OXCT1: variants seen among roughly 807,000 people sequenced by gnomAD.
OXCT1 encodes succinyl-CoA:3-ketoacid coenzyme A transferase 1, mitochondrial.
A neutral mutation model predicts 69.6 loss-of-function variants in OXCT1; 27 were observed. The observed-to-expected ratio is 0.39, with a 90% CI of 0.29 to 0.54. The LOEUF (loss-of-function observed/expected upper bound fraction) is 0.54, where lower values mean the gene tolerates loss of function less well. Among genes scored for constraint, OXCT1 ranks in the 20% least tolerant of loss-of-function variants. OXCT1 has a pLI of 0.72. For missense variants in OXCT1, 437 were observed against 650.2 expected, an observed-to-expected ratio of 0.67 and a Z score of 3.57; for synonymous variants, 202 against 217.8, an observed-to-expected ratio of 0.93 and a Z score of 0.64.
At position 41,743,220 on chromosome 5, in the gene OXCT1, T is replaced by A. The variant is rs1161483946; in HGVS notation, c.1420-3729A>T. ...ATTGTGGCTTTGATTTGCATTTCTC[T>A]GATGGCCAGTGATGATGAGCATTTT... On this transcript the variant is annotated intron_variant, in intron 15 of 16. Transcript: ENST00000196371. 5.3e-5 allele frequency among the ~76,000 whole-genome samples: 8 copies of A among 152,238 alleles called. No homozygotes were observed. In the South Asian group the frequency reaches 8.3e-4, roughly 16 times the overall value.
intron 14 of OXCT1, among the ~76,000 whole-genome samples, chr5:41,755,391 T>G (rs1744014676): frequency 6.6e-6 from 1 of 152,060 alleles, no homozygotes; most frequent in Non-Finnish European, 1.5e-5. Flanking sequence ...AAACAGAACC[T>G]GGCTACTGTA....
intron 13 of OXCT1, among the ~76,000 whole-genome samples, chr5:41,770,555 C>A (rs989613654): frequency 6.6e-6 from 1 of 152,166 alleles, no homozygotes; most frequent in African/African-American, 2.4e-5. Flanking sequence ...ATTAATTAAG[C>A]ATCTACTTAA....
rs144935087 is a variant in OXCT1 at position 41,836,609 on chromosome 5, T to A, written c.732+3842A>T. Among the ~76,000 whole-genome samples the A allele has an allele frequency of 4.9e-3, 744 of 152,290 alleles. 7 individuals carry two copies. Among genetic ancestry groups the A allele is most frequent in the African/African-American group, 0.017 (697 of 41,562 alleles). On this transcript the variant is annotated intron_variant, in intron 7 of 16. Coordinates refer to ENST00000196371, the MANE Select transcript of OXCT1 (RefSeq NM_000436.4). ...GGGACGTGGTTTTGGGATGAAACTG[T>A]TCCACCTCAGATCATCAGGCGTTAG...
chr5:41,828,044 G>A (rs1330149839), intron 7 of OXCT1, among the ~76,000 whole-genome samples: 1 of 152,200 alleles, frequency 6.6e-6, no homozygotes, highest in Non-Finnish European at 1.5e-5. Context: ...ACACTAGTCA[G>A]GCTGGAGAAG....
intron 7 of OXCT1, among the ~76,000 whole-genome samples, chr5:41,814,732 G>C (rs9763018): frequency 0.19 from 21,986 of 116,988 alleles, 1,825 homozygotes; most frequent in Middle Eastern, 0.32. Context: ...TTGTGGGGTG[G>C]GGGGAGGGGG....
In OXCT1 at chr5:41,791,938, G is replaced by C. The variant is rs144309967; in HGVS notation, c.1248+2065C>G. 4.4e-3 allele frequency among the ~76,000 whole-genome samples: 664 copies of C among 152,194 alleles called. 4 individuals carry two copies. The highest frequency in any genetic ancestry group is 0.014 in the Middle Eastern group (4 of 294). ...CCTGCCTCAGCCTCTCGAGTAGCTG[G>C]GACTCAAGCGCATGCCACCACGCCC... On this transcript the variant is annotated intron_variant, in intron 13 of 16. Coordinates refer to ENST00000196371, the MANE Select transcript of OXCT1 (RefSeq NM_000436.4).
chr5:41,789,411 T>C (rs911047929), intron 13 of OXCT1, among the ~76,000 whole-genome samples: 1 of 152,204 alleles, frequency 6.6e-6, no homozygotes, highest in Non-Finnish European at 1.5e-5. Flanking sequence ...CCCAAAAACG[T>C]TGTCGTTTAT....
intron 13 of OXCT1, among the ~76,000 whole-genome samples, chr5:41,772,107 C>T (rs1744896354): frequency 6.6e-6 from 1 of 152,272 alleles, no homozygotes; most frequent in East Asian, 1.9e-4. Context: ...CTCAACAACT[C>T]GTTCACATGG....
chr5:41,828,617 A>G (rs1747936770), intron 7 of OXCT1, among the ~76,000 whole-genome samples: 1 of 152,194 alleles, frequency 6.6e-6, no homozygotes, highest in Non-Finnish European at 1.5e-5. Flanking sequence ...TTTTTTGCAC[A>G]AGATCTTCCC....
chr5:41,828,104 T>G (rs545521303), intron 7 of OXCT1, among the ~76,000 whole-genome samples: 21 of 152,238 alleles, frequency 1.4e-4, no homozygotes, highest in Non-Finnish European at 2.5e-4. Context: ...GTGCAATTTT[T>G]TTTTGTTTTG....
At chr5:41,816,642 T>C (rs1747259726) in intron 7 of OXCT1, among the ~76,000 whole-genome samples, 1 of 152,196 alleles carries the variant, frequency 6.6e-6, no homozygotes, top group African/African-American at 2.4e-5. Flanking sequence ...CCGGGGTCAC[T>C]TGGCATGCCG....
At chr5:41,765,459 A>G (rs959064061) in intron 13 of OXCT1, among the ~76,000 whole-genome samples, 1 of 152,186 alleles carries the variant, frequency 6.6e-6, no homozygotes, top group Admixed American at 6.6e-5. Context: ...TGAGTAAAAA[A>G]ATAAGTGCAC....
intron 13 of OXCT1, among the ~76,000 whole-genome samples, chr5:41,778,209 T>C (rs1192799032): frequency 6.6e-6 from 1 of 152,206 alleles, no homozygotes; most frequent in Non-Finnish European, 1.5e-5. Context: ...TGTAAAAAAG[T>C]TACAGATGGA....
chr5:41,807,479 A>G (rs1746742701), intron 7 of OXCT1, 41 bp from the exon 8 acceptor site: 2 of 1,142,770 alleles, frequency 1.8e-6, no homozygotes, highest in Non-Finnish European at 2.6e-6. Flanking sequence ...GTGAAAGCTT[A>G]AAGTGAACAT....
intron 3 of OXCT1, 110 bp downstream of exon 3, chr5:41,861,204 A>G: frequency 1.3e-6 from 1 of 776,958 alleles, no homozygotes; most frequent in Non-Finnish European, 2.3e-6. Flanking sequence ...TGATGCTTGG[A>G]CATATTGCTC....
intron 7 of OXCT1, among the ~76,000 whole-genome samples, chr5:41,832,160 A>T (rs1282781046): frequency 6.6e-6 from 1 of 152,248 alleles, no homozygotes; most frequent in Non-Finnish European, 1.5e-5. Context: ...TGTTTATTGT[A>T]GAGCCCTAGG....
At position 41,850,150 on chromosome 5, in the gene OXCT1, G is replaced by A. The variant is rs372032720; in HGVS notation, c.444C>T (p.Gly148=). 150 of 1,613,644 alleles carry A rather than the reference G, an allele frequency of 9.3e-5. No individual in the cohort carries two copies. Among genetic ancestry groups the A allele is most frequent in the African/African-American group, 1.2e-4 (9 of 74,986 alleles). The part of the protein sequence containing the change: ...QGTLAERIRA[G]GAGVPAFYTP... ...TGTAAAATGCAGGAACTCCAGCCCCGCCTGCACGGATCCTCTCTGCAAGTG... is the reference window on the plus strand; with the variant it reads ...TGTAAAATGCAGGAACTCCAGCCCCACCTGCACGGATCCTCTCTGCAAGTG... The change falls in exon 5 of 17, where the codon GGC becomes GGT. Residue 148 remains glycine, a synonymous_variant. Coordinates refer to ENST00000196371, the MANE Select transcript of OXCT1 (RefSeq NM_000436.4).
chr5:41,743,085 G>A (rs765228415), intron 15 of OXCT1, among the ~76,000 whole-genome samples: 12 of 152,136 alleles, frequency 7.9e-5, no homozygotes, highest in East Asian at 3.9e-4. Context: ...ACTAGTTTAC[G>A]GTCCCACCAA....
chr5:41,830,565 T>C (rs1322198129), intron 7 of OXCT1, among the ~76,000 whole-genome samples: 1 of 152,208 alleles, frequency 6.6e-6, no homozygotes, highest in Non-Finnish European at 1.5e-5. Flanking sequence ...CAAGTTCTTA[T>C]AAATATGCCT....
Sources: gnomAD v4.1 joint callset for allele counts (sites outside exome capture counted in the v4.1 genomes callset) on GRCh38, gnomAD v4.1.1 for gene constraint, MANE v1.5 for transcripts, NCBI Gene and HGNC (gene_info 2026-07-23, HGNC 2026-07-21) for gene names.